The following SLC67A2 variants were observed in gnomAD, a reference collection of about 807,000 sequenced individuals.
SLC67A2 encodes solute carrier family 67 member 2.
At chr2:102,718,540 C>T in the SLC67A2 span, 1 of 1,608,152 alleles carries the variant, frequency 6.2e-7, no homozygotes, top group Non-Finnish European at 8.5e-7. Flanking sequence ...AAGGGCTGAC[C>T]TCCTGGGCAA....
the SLC67A2 span, chr2:102,716,192 A>G: frequency 5.9e-5 from 9 of 152,196 alleles, no homozygotes; most frequent in South Asian, 4.1e-4. Context: ...TTGGTTTTCT[A>G]TATTTCCATG....
chr2:102,715,146 C>G, the SLC67A2 span, among the ~76,000 whole-genome samples: 3 of 152,322 alleles, frequency 2.0e-5, no homozygotes, highest in East Asian at 5.8e-4. Context: ...AAAGTCCAGA[C>G]TACTCCTTGG....
the SLC67A2 span, chr2:102,736,628 C>A: frequency 6.2e-7 from 1 of 1,613,862 alleles, no homozygotes; most frequent in Non-Finnish European, 8.5e-7. Context: ...TGCTCCCAGC[C>A]CCCACGCTCG....
the SLC67A2 span, chr2:102,726,739 G>A: frequency 2.1e-6 from 3 of 1,455,050 alleles, no homozygotes; most frequent in East Asian, 2.3e-5. Context: ...AAGTAAGGAT[G>A]TTGAGCAAGA....
At chr2:102,720,760 A>G in the SLC67A2 span, among the ~76,000 whole-genome samples, 2 of 152,214 alleles carry the variant, frequency 1.3e-5, no homozygotes, top group East Asian at 3.8e-4. Flanking sequence ...GTTCCTAACC[A>G]TATGAACAGA....
chr2:102,736,281 G>C, the SLC67A2 span, among the ~76,000 whole-genome samples: 1 of 152,048 alleles, frequency 6.6e-6, no homozygotes, highest in Non-Finnish European at 1.5e-5. Flanking sequence ...CAGCCGCACA[G>C]CAGCTGGGCT....
chr2:102,731,867 T>C, the SLC67A2 span, among the ~76,000 whole-genome samples: 827 of 152,312 alleles, frequency 5.4e-3, 11 homozygotes, highest in African/African-American at 0.019. Context: ...CTCTACAATA[T>C]CTATGATGTG....
chr2:102,723,536 G>A, the SLC67A2 span, among the ~76,000 whole-genome samples: 2 of 111,310 alleles, frequency 1.8e-5, no homozygotes, highest in Non-Finnish European at 3.6e-5. Context: ...AACTGGCACC[G>A]GCCACTATGG....
At chr2:102,719,022 G>T in the SLC67A2 span, 2 of 1,614,192 alleles carry the variant, frequency 1.2e-6, no homozygotes, top group African/African-American at 1.3e-5. Flanking sequence ...TTCATGTTCC[G>T]CAAGGCCAAC....
chr2:102,736,646 C>A, the SLC67A2 span: 1 of 1,613,956 alleles, frequency 6.2e-7, no homozygotes, highest in Non-Finnish European at 8.5e-7. Flanking sequence ...TCGCACTCAC[C>A]AAGAAGCCCA....
At chr2:102,719,291 G>T in the SLC67A2 span, 1 of 1,351,734 alleles carries the variant, frequency 7.4e-7, no homozygotes, top group Non-Finnish European at 1.0e-6. Flanking sequence ...CCAATTATTT[G>T]TGTTAGATTA....
At chr2:102,724,300 T>A in the SLC67A2 span, among the ~76,000 whole-genome samples, 1 of 152,230 alleles carries the variant, frequency 6.6e-6, no homozygotes, top group South Asian at 2.1e-4. Context: ...TGAGCCAATA[T>A]TTACTGCATG....
chr2:102,727,260 T>C, the SLC67A2 span, among the ~76,000 whole-genome samples: 23 of 152,152 alleles, frequency 1.5e-4, no homozygotes, highest in African/African-American at 5.1e-4. Flanking sequence ...AAAGTATAAT[T>C]TATAAAGCCT....
the SLC67A2 span, chr2:102,731,162 C>A: frequency 9.8e-7 from 1 of 1,025,240 alleles, no homozygotes; most frequent in Admixed American, 2.2e-5. Flanking sequence ...AACAGAAAAA[C>A]ATTAGGGTAA....
chr2:102,722,358 G>A, the SLC67A2 span, among the ~76,000 whole-genome samples: 1 of 152,360 alleles, frequency 6.6e-6, no homozygotes, highest in South Asian at 2.1e-4. Context: ...ATGTATGGAG[G>A]AAGGCAGAGA....
chr2:102,723,240 G>A, the SLC67A2 span, among the ~76,000 whole-genome samples: 1 of 152,242 alleles, frequency 6.6e-6, no homozygotes, highest in African/African-American at 2.4e-5. Context: ...GGAGGCAGAG[G>A]CGGCGGATCG....
chr2:102,715,462 C>T, the SLC67A2 span, among the ~76,000 whole-genome samples: 5 of 152,100 alleles, frequency 3.3e-5, no homozygotes, highest in Non-Finnish European at 5.9e-5. Context: ...GAATTCACTC[C>T]CCAAGGGGCC....
chr2:102,726,624 GCA>G, the SLC67A2 span, among the ~76,000 whole-genome samples: 330 of 149,572 alleles, frequency 2.2e-3, 2 homozygotes, highest in African/African-American at 7.7e-3. Context: ...GCTCGCGCAC[GCA>G]CACACACACA....
At chr2:102,716,957 A>C in the SLC67A2 span, 2 of 152,212 alleles carry the variant, frequency 1.3e-5, no homozygotes, top group African/African-American at 4.8e-5. Context: ...TGTTTAGACA[A>C]GAAATGGCAC....
Sources: allele counts gnomAD v4.1 joint callset (sites outside exome capture counted in the v4.1 genomes callset), GRCh38; gene constraint gnomAD v4.1.1; transcripts MANE v1.5; gene names NCBI Gene and HGNC (gene_info 2026-07-23, HGNC 2026-07-21).